BLTP1: variants seen among roughly 807,000 people sequenced by gnomAD.
BLTP1 encodes the protein bridge-like lipid transfer protein family member 1, also known as fragile site-associated protein.
the BLTP1 span, chr4:122,276,004 C>A: frequency 1.3e-6 from 2 of 1,583,508 alleles, no homozygotes; most frequent in African/African-American, 2.7e-5. Flanking sequence ...CCTACAAGTA[C>A]AGCCAAACAA....
chr4:122,343,472 A>G, the BLTP1 span: 1 of 1,614,008 alleles, frequency 6.2e-7, no homozygotes, highest in Non-Finnish European at 8.5e-7. Context: ...GTCAGACCTG[A>G]CCAGTTCCAG....
the BLTP1 span, among the ~76,000 whole-genome samples, chr4:122,317,087 T>G: frequency 3.3e-5 from 5 of 152,102 alleles, no homozygotes; most frequent in African/African-American, 1.2e-4. Context: ...ATCCCAGCAC[T>G]TTGGGAGGCC....
At chr4:122,166,190 G>A in the BLTP1 span, among the ~76,000 whole-genome samples, 5 of 152,094 alleles carry the variant, frequency 3.3e-5, no homozygotes, top group Admixed American at 6.5e-5. Context: ...TTTCTTCTAG[G>A]GTTTTTATGG....
At chr4:122,157,398 C>T in the BLTP1 span, among the ~76,000 whole-genome samples, 15 of 152,082 alleles carry the variant, frequency 9.9e-5, no homozygotes, top group South Asian at 2.1e-4. Context: ...ACAATTTTTC[C>T]GTGCACCTGA....
At chr4:122,308,509 A>G in the BLTP1 span, among the ~76,000 whole-genome samples, 1 of 152,248 alleles carries the variant, frequency 6.6e-6, no homozygotes, top group South Asian at 2.1e-4. Flanking sequence ...TGTTTATAAG[A>G]TGGAAATAAA....
the BLTP1 span, chr4:122,198,149 C>T: frequency 1.0e-6 from 1 of 982,978 alleles, no homozygotes; most frequent in Non-Finnish European, 1.2e-6. Context: ...TGGTAGCATT[C>T]AGGCCTGCCT....
chr4:122,192,090 A>G, the BLTP1 span: 1 of 720,108 alleles, frequency 1.4e-6, no homozygotes, highest in Middle Eastern at 4.0e-4. Flanking sequence ...ATATGAGAAC[A>G]ACCCCTTTTA....
chr4:122,254,745 G>A, the BLTP1 span: 333,988 of 1,422,304 alleles, frequency 0.23, 41,854 homozygotes, highest in African/African-American at 0.31. Flanking sequence ...AGGTATGGGA[G>A]ATTGTTTGGA....
At chr4:122,337,641 T>C in the BLTP1 span, among the ~76,000 whole-genome samples, 4 of 152,080 alleles carry the variant, frequency 2.6e-5, no homozygotes, top group East Asian at 5.8e-4. Flanking sequence ...TTAAGCATTT[T>C]ATGCCTTTAT....
At chr4:122,286,865 C>A in the BLTP1 span, 1 of 1,190,476 alleles carries the variant, frequency 8.4e-7, no homozygotes, top group South Asian at 1.5e-5. Context: ...ATGTAGTAAT[C>A]CAAACTTTTA....
the BLTP1 span, chr4:122,152,575 A>G: frequency 1.0e-6 from 1 of 985,492 alleles, no homozygotes; most frequent in Non-Finnish European, 1.2e-6. Flanking sequence ...CTGCCTCGGC[A>G]CTCGCCCAGG....
chr4:122,289,867 A>T, the BLTP1 span: 297 of 835,802 alleles, frequency 3.6e-4, 1 homozygote, highest in Non-Finnish European at 4.1e-4. Flanking sequence ...AATTTTGATG[A>T]GTTCTGCGAA....
chr4:122,173,701 C>T, the BLTP1 span, among the ~76,000 whole-genome samples: 2 of 152,140 alleles, frequency 1.3e-5, no homozygotes, highest in Non-Finnish European at 2.9e-5. Context: ...TCTCACACAG[C>T]ACTCCATTAC....
the BLTP1 span, chr4:122,187,896 G>T: frequency 6.4e-7 from 1 of 1,558,988 alleles, no homozygotes; most frequent in South Asian, 1.2e-5. Flanking sequence ...TTTTTTTAGG[G>T]ACGTTTGGCC....
At chr4:122,254,131 C>T in the BLTP1 span, 2 of 1,482,498 alleles carry the variant, frequency 1.3e-6, no homozygotes, top group African/African-American at 2.8e-5. Flanking sequence ...AAAACATTAG[C>T]CTCTGTGTTA....
the BLTP1 span, chr4:122,204,750 C>G: frequency 3.8e-6 from 2 of 527,146 alleles, no homozygotes; most frequent in African/African-American, 4.2e-5. Flanking sequence ...TTGGGCATTT[C>G]CCAAGTGTTA....
chr4:122,269,201 GT>G, the BLTP1 span: 1 of 399,958 alleles, frequency 2.5e-6, no homozygotes, highest in Non-Finnish European at 3.4e-6. Context: ...TACAGTCTAT[GT>G]TTTCATATAT....
At chr4:122,351,149 T>C in the BLTP1 span, 1 of 306,788 alleles carries the variant, frequency 3.3e-6, no homozygotes, top group Non-Finnish European at 4.8e-6. Context: ...AATGGTGGCT[T>C]TCACTAGGAT....
the BLTP1 span, chr4:122,251,695 C>T: frequency 1.4e-6 from 1 of 727,152 alleles, no homozygotes. Context: ...TGCTGAAAGC[C>T]CTTGAATTGG....
Sources: allele counts gnomAD v4.1 joint callset (sites outside exome capture counted in the v4.1 genomes callset), GRCh38; gene constraint gnomAD v4.1.1; transcripts MANE v1.5; gene names NCBI Gene and HGNC (gene_info 2026-07-23, HGNC 2026-07-21).